SLC6A6: variants seen among roughly 807,000 people sequenced by gnomAD.
SLC6A6 encodes the protein solute carrier family 6 member 6, also known as sodium- and chloride-dependent taurine transporter.
A neutral mutation model predicts 68.8 loss-of-function variants in SLC6A6; 16 were observed. The ratio of observed to expected loss-of-function variants is 0.23; its 90% CI spans 0.16 to 0.35. SLC6A6 has a LOEUF of 0.35. Ranked by LOEUF, SLC6A6 falls within the 10% of genes least tolerant of loss-of-function variation. The pLI, the probability that SLC6A6 is intolerant of heterozygous loss-of-function variation, is 1.00. For synonymous variants in SLC6A6, 312 were observed against 315.4 expected (o/e 0.99, Z 0.12); for missense variants, 474 against 802.8 (o/e 0.59, Z 4.95).
chr3:14,484,681 C>A (rs1701096552), intron 14 of SLC6A6, among the ~76,000 whole-genome samples, 186 bp from the exon 15 acceptor site: 1 of 152,188 alleles, frequency 6.6e-6, no homozygotes, highest in African/African-American at 2.4e-5. Flanking sequence ...CCTAGTGGCA[C>A]CTTAGGAGCG....
rs1232095248 is a variant in SLC6A6, at chr3:14,443,757, G to A, written c.123G>A (p.Arg41=). ...EDEAEGKPPQ[R]EKWSSKIDFV... is the part of the protein sequence containing the mutation. ...AGGCTGAGGGAAAACCTCCGCAGAG[G>A]GAGAAGTGGTCTAGCAAGATCGACT... Residue 41 remains arginine, a synonymous_variant, in exon 3 of 15, where the codon AGG becomes AGA. Coordinates refer to ENST00000622186, the MANE Select transcript of SLC6A6 (RefSeq NM_003043.6). The A allele has an allele frequency of 3.1e-6, 5 of 1,614,064 alleles. No individual in the cohort carries two copies. The highest frequency in any genetic ancestry group is 4.2e-6 in the Non-Finnish European group (5 of 1,180,012).
At chr3:14,408,752 C>G (rs949091430) in intron 1 of SLC6A6, among the ~76,000 whole-genome samples, 5 of 151,966 alleles carry the variant, frequency 3.3e-5, no homozygotes, top group African/African-American at 1.2e-4. Flanking sequence ...CCTCTTTGAT[C>G]CAGGCATTAT....
Position 14,472,125 on chromosome 3 carries a change from T to C in SLC6A6, c.1097-80T>C. The C allele has an allele frequency of 1.2e-6, 1 of 845,004 alleles. No homozygotes were observed. Among genetic ancestry groups the C allele is most frequent in the Non-Finnish European group, 2.0e-6 (1 of 495,800 alleles). The allele number at this position is 845,004 out of a possible 1,614,324, so 52.3% of individuals were successfully genotyped here. On this transcript the variant is annotated intron_variant, in intron 9 of 14. Coordinates refer to ENST00000622186, the MANE Select transcript of SLC6A6 (RefSeq NM_003043.6). This position sits in a 1 kb window ranked among gnomAD's most constrained non-coding sequence, Gnocchi z 4.5. ...TGCTGTATTTGGGTCTGAGTGTCTTTGTGTGAGCCCAGGGTTCCCAGTGGC... is the reference window on the plus strand; with the variant it reads ...TGCTGTATTTGGGTCTGAGTGTCTTCGTGTGAGCCCAGGGTTCCCAGTGGC...
chr3:14,411,689 C>T (rs1699255562), intron 1 of SLC6A6, among the ~76,000 whole-genome samples: 1 of 152,248 alleles, frequency 6.6e-6, no homozygotes, highest in Non-Finnish European at 1.5e-5. Context: ...CTAATTCCTT[C>T]TACTCTGAAA....
intron 10 of SLC6A6, among the ~76,000 whole-genome samples, chr3:14,473,899 G>A (rs954545006): frequency 6.6e-6 from 1 of 152,194 alleles, no homozygotes; most frequent in African/African-American, 2.4e-5. Context: ...GGCCACTTGG[G>A]CTTTGGAAAC....
intron 1 of SLC6A6, among the ~76,000 whole-genome samples, chr3:14,412,800 C>T (rs1044911422): frequency 6.6e-6 from 1 of 152,232 alleles, no homozygotes; most frequent in African/African-American, 2.4e-5. Flanking sequence ...AGATCCTGTG[C>T]TTCGTCAACT....
rs926098380 is a variant in SLC6A6, at chr3:14,481,613, AG to A, written c.1552-57del. 7 of 1,213,782 alleles carry A rather than the reference AG, an allele frequency of 5.8e-6. No individual in the cohort carries two copies. In the African/African-American group the frequency reaches 1.0e-4, roughly 18 times the overall value. 75.2% of individuals were successfully genotyped at this position (1,213,782 alleles called of 1,614,324 possible). The stretch of plus-strand genomic sequence containing the variant: ...GGTTGAGGCCAGTCCTAGTCCCAGA[AG>A]CCCCCCACCCCCCGATGCCCAGGAC... On this transcript the variant is annotated intron_variant, in intron 13 of 14. Transcript: ENST00000622186. The surrounding 1 kb of genome is among the most constrained non-coding windows in gnomAD (Gnocchi z 4.7).
At chr3:14,451,661 G>A (rs1047001065) in intron 5 of SLC6A6, among the ~76,000 whole-genome samples, 2 of 152,226 alleles carry the variant, frequency 1.3e-5, no homozygotes, top group Non-Finnish European at 2.9e-5. Context: ...TGGTGGGAAA[G>A]AGAGGCTGGA....
rs188025989 is a variant in SLC6A6, at chr3:14,450,464, C to G, written c.599+2648C>G. The stretch of plus-strand genomic sequence containing the variant: ...ATGGATTTGCTCTGTCCAAAGAACC[C>G]TGGCTGCCAGCTTGGTACTCACCTC... On this transcript the variant is annotated intron_variant, in intron 5 of 14. Coordinates refer to ENST00000622186, the MANE Select transcript of SLC6A6 (RefSeq NM_003043.6). The surrounding 1 kb of genome is among the most constrained non-coding windows in gnomAD (Gnocchi z 4.1). 2.6e-5 allele frequency among the ~76,000 whole-genome samples: 4 copies of G among 152,314 alleles called. No homozygotes were observed. In the East Asian group the frequency reaches 5.8e-4, roughly 22 times the overall value.
At chr3:14,470,993 G>A (rs372929308) in intron 9 of SLC6A6, among the ~76,000 whole-genome samples, 6 of 152,184 alleles carry the variant, frequency 3.9e-5, no homozygotes, top group Admixed American at 2.6e-4. Context: ...TGTTAACACC[G>A]TATAATGTGG....
chr3:14,440,247 G>A (rs1699951074), intron 2 of SLC6A6, among the ~76,000 whole-genome samples: 1 of 152,086 alleles, frequency 6.6e-6, no homozygotes. Context: ...CACCTGTTTG[G>A]GGAAGTGACT....
intron 1 of SLC6A6, among the ~76,000 whole-genome samples, chr3:14,409,584 G>A (rs1379239020): frequency 6.6e-6 from 1 of 152,260 alleles, no homozygotes; most frequent in African/African-American, 2.4e-5. Flanking sequence ...TGCCTACTGT[G>A]TGCCAGGCAC....
intron 5 of SLC6A6, among the ~76,000 whole-genome samples, chr3:14,454,036 A>G (rs1478252214): frequency 3.3e-5 from 5 of 152,172 alleles, no homozygotes; most frequent in Non-Finnish European, 7.3e-5. Context: ...ACACCCGTTC[A>G]CCTGTGTGTT....
intron 6 of SLC6A6, among the ~76,000 whole-genome samples, chr3:14,466,265 TAAAAA>T (rs11310077): frequency 2.7e-5 from 3 of 110,272 alleles, no homozygotes; most frequent in African/African-American, 1.0e-4. Context: ...GTCTCAAATT[TAAAAA>T]AAAAAAAAAA....
intron 3 of SLC6A6, among the ~76,000 whole-genome samples, chr3:14,445,327 A>G (rs1427241849): frequency 6.6e-6 from 1 of 152,064 alleles, no homozygotes; most frequent in East Asian, 1.9e-4. Context: ...AGGCTGAGGC[A>G]GGAGAATGGT....
chr3:14,456,697 T>G (rs929553883), intron 5 of SLC6A6, among the ~76,000 whole-genome samples: 1 of 152,240 alleles, frequency 6.6e-6, no homozygotes, highest in Non-Finnish European at 1.5e-5. Context: ...AAGAGCATCC[T>G]GGGCAGGAGC....
chr3:14,469,571 A>G (rs1700705136), intron 9 of SLC6A6, among the ~76,000 whole-genome samples: 1 of 152,222 alleles, frequency 6.6e-6, no homozygotes, highest in Non-Finnish European at 1.5e-5. Flanking sequence ...AGGTGGGGCT[A>G]CAACAGGGCT....
At chr3:14,473,454 G>A (rs376755860) in intron 10 of SLC6A6, among the ~76,000 whole-genome samples, 4 of 152,118 alleles carry the variant, frequency 2.6e-5, no homozygotes, top group Admixed American at 6.5e-5. Context: ...CAGCCAGGGC[G>A]GGAGAACCCT....
At chr3:14,403,838 G>A (rs1163867509) in intron 1 of SLC6A6, among the ~76,000 whole-genome samples, 1 of 152,222 alleles carries the variant, frequency 6.6e-6, no homozygotes, top group Non-Finnish European at 1.5e-5. Flanking sequence ...CTTCAGCCTG[G>A]ACTTCAGCCT....
Sources: allele counts gnomAD v4.1 joint callset (sites outside exome capture counted in the v4.1 genomes callset), GRCh38; gene constraint gnomAD v4.1.1; non-coding constraint Gnocchi (gnomAD v3.1); transcripts MANE v1.5; gene names NCBI Gene and HGNC (gene_info 2026-07-23, HGNC 2026-07-21).